The following CCDC125 variants were observed in gnomAD, a reference collection of about 807,000 sequenced individuals.
CCDC125 encodes coiled-coil domain containing 125, also known as coiled-coil domain-containing protein 125.
In CCDC125, 43 loss-of-function variants were observed where a neutral mutation model predicts 57.4. The observed-to-expected ratio is 0.75, with a 90% CI of 0.59 to 0.97. The LOEUF (loss-of-function observed/expected upper bound fraction) is 0.97, where lower values mean the gene tolerates loss of function less well. Among genes scored for constraint, CCDC125 ranks in the 50% least tolerant of loss-of-function variants. The pLI, the probability that CCDC125 is intolerant of heterozygous loss-of-function variation, is 0.00. For synonymous variants in CCDC125, 187 were observed against 195.2 expected, an observed-to-expected ratio of 0.96 and a Z score of 0.35; for missense variants, 563 against 595.7, an observed-to-expected ratio of 0.95 and a Z score of 0.57.
In CCDC125 at chr5:69,281,695, CAAGAT is replaced by C. The variant is rs942988034; in HGVS notation, c.*1029_*1033del. On this transcript the variant is annotated 3_prime_UTR_variant, in exon 12 of 12. Transcript: ENST00000396496. Reference sequence around the variant, plus strand: ...AAAATACTGAACAAGGCAAATAAAACAAGATAAATGAATTCCAGAAATTAACATTC... The same window carrying C: ...AAAATACTGAACAAGGCAAATAAAACAAATGAATTCCAGAAATTAACATTC... 2.6e-5 allele frequency: 4 copies of C among 152,046 alleles called. No individual in the cohort carries two copies. The highest frequency in any genetic ancestry group is 9.7e-5 in the African/African-American group (4 of 41,412). 9.4% of individuals were successfully genotyped at this position (152,046 alleles called of 1,614,324 possible). A position where few individuals can be genotyped will look rare whatever the true frequency, so the allele number is the denominator to read the frequency against.
intron 1 of CCDC125, among the ~76,000 whole-genome samples, chr5:69,321,301 A>T (rs761574510): frequency 2.0e-5 from 3 of 152,216 alleles, no homozygotes; most frequent in Non-Finnish European, 2.9e-5. Flanking sequence ...ATAGGCAGCC[A>T]TAATCTGTCA....
At chr5:69,304,908 T>C (rs1434797809) in intron 6 of CCDC125, among the ~76,000 whole-genome samples, 1 of 152,086 alleles carries the variant, frequency 6.6e-6, no homozygotes, top group Non-Finnish European at 1.5e-5. Flanking sequence ...CGGGTAATAA[T>C]GATGTATCAA....
In CCDC125 at chr5:69,289,862, CAA is replaced by C. The variant is rs11284379; in HGVS notation, c.1099+2324_1099+2325del. The stretch of plus-strand genomic sequence containing the variant: ...TGGGCAACAGGATAAGATGCTGCCT[CAA>C]AAAAAAAAAAAAAAAAGCTACTAAA... On this transcript the variant is annotated intron_variant, in intron 10 of 11. Transcript: ENST00000396496. Among the ~76,000 whole-genome samples, 315 of 111,444 alleles carry C rather than the reference CAA, an allele frequency of 2.8e-3. No individual in the cohort carries two copies. The Middle Eastern group carries it at 0.037, about 13-fold the overall frequency. The allele number at this position is 111,444 out of a possible 152,430, so 73.1% of individuals were successfully genotyped here. A position where few individuals can be genotyped will look rare whatever the true frequency, so the allele number is the denominator to read the frequency against.
intron 2 of CCDC125, among the ~76,000 whole-genome samples, chr5:69,317,973 A>ATTTTTTTT (rs34680998): frequency 2.4e-5 from 2 of 82,354 alleles, no homozygotes; most frequent in African/African-American, 4.7e-5. Context: ...TGTCTCTAGA[A>ATTTTTTTT]TTTTTTTTTT....
intron 2 of CCDC125, 120 bp downstream of exon 2, chr5:69,320,117 C>T (rs939782977): frequency 4.2e-5 from 42 of 997,280 alleles, no homozygotes; most frequent in African/African-American, 2.3e-4. Flanking sequence ...AGCAAGACTC[C>T]GTCCAGAAAA....
chr5:69,311,110 C>T lies in CCDC125; in HGVS notation c.453+8G>A, dbSNP rs1213125455. 7 of 1,580,612 alleles carry T rather than the reference C, an allele frequency of 4.4e-6. No individual in the cohort carries two copies. The highest frequency in any genetic ancestry group is 4.3e-6 in the Non-Finnish European group (5 of 1,153,354). On this transcript the variant is annotated splice_region_variant and intron_variant, in intron 4 of 11. Coordinates refer to ENST00000396496, the MANE Select transcript of CCDC125 (RefSeq NM_176816.5). The stretch of plus-strand genomic sequence containing the variant: ...GTAAATGGTGAAAGTTTAAAAACAA[C>T]TTCTTACCATGCTTTGAAGAATTTT...
intron 1 of CCDC125, among the ~76,000 whole-genome samples, chr5:69,330,096 C>T (rs2150693033): frequency 6.6e-6 from 1 of 152,348 alleles, no homozygotes; most frequent in East Asian, 1.9e-4. Context: ...TACTGACTCA[C>T]TAAGTCCAGG....
chr5:69,282,579 T>G lies in CCDC125; in HGVS notation c.*150A>C. On this transcript the variant is annotated 3_prime_UTR_variant, in exon 12 of 12. Coordinates refer to ENST00000396496, the MANE Select transcript of CCDC125 (RefSeq NM_176816.5). ...CCATCTCAAAAGAAGAAAAAGAAAA[T>G]GTAGAAAATATTTGATTTAAGTGAC... 1.6e-6 allele frequency: 1 copy of G among 626,534 alleles called. No homozygotes were observed. Among genetic ancestry groups the G allele is most frequent in the Non-Finnish European group, 2.6e-6 (1 of 378,806 alleles). 38.8% of individuals were successfully genotyped at this position (626,534 alleles called of 1,614,324 possible).
chr5:69,325,545 G>C (rs1760619134), intron 1 of CCDC125, among the ~76,000 whole-genome samples: 1 of 151,622 alleles, frequency 6.6e-6, no homozygotes, highest in East Asian at 1.9e-4. Flanking sequence ...AGGGTCTCGG[G>C]CTGGGCACAG....
chr5:69,316,613 G>A (rs1759151922), intron 2 of CCDC125, among the ~76,000 whole-genome samples: 1 of 152,114 alleles, frequency 6.6e-6, no homozygotes, highest in African/African-American at 2.4e-5. Context: ...TGCTCAGGCT[G>A]CAGTGCTCCT....
intron 10 of CCDC125, among the ~76,000 whole-genome samples, chr5:69,290,968 C>T (rs1033535953): frequency 6.6e-6 from 1 of 152,034 alleles, no homozygotes. Context: ...GATGGTGTTC[C>T]CCTAAGATCA....
chr5:69,293,522 C>T (rs375925021), intron 9 of CCDC125, among the ~76,000 whole-genome samples: 5 of 151,884 alleles, frequency 3.3e-5, no homozygotes, highest in East Asian at 3.9e-4. Context: ...TGGTGGCAGG[C>T]GCCTGTAATC....
At position 69,282,921 on chromosome 5, in the gene CCDC125, T is replaced by C; in HGVS notation, c.1344A>G (p.Ile448Met). 1 of 1,614,078 alleles carries C rather than the reference T, an allele frequency of 6.2e-7. No homozygotes were observed. Among genetic ancestry groups the C allele is most frequent in the Non-Finnish European group, 8.5e-7 (1 of 1,179,998 alleles). Residue 448 changes from isoleucine (I) to methionine (M), a missense_variant, in exon 12 of 12, where the codon ATA (isoleucine) becomes ATG (methionine). Transcript: ENST00000396496. ...GGTTGTTGAAAGGGAAATTCTCTTT[T>C]ATAGGATTTTTTTCTTTATTCTCGT... is the stretch of plus-strand genomic sequence containing the variant. ...ASNENKEKNP[I>M]KENFPFNNPW...
downstream of CCDC125, among the ~76,000 whole-genome samples, chr5:69,275,702 G>A (rs771984009): frequency 2.4e-4 from 37 of 152,102 alleles, no homozygotes; most frequent in Non-Finnish European, 4.3e-4. Context: ...AGCCAGGCGC[G>A]GTGGCTCACG....
intron 1 of CCDC125, among the ~76,000 whole-genome samples, chr5:69,324,799 G>C (rs1223924444): frequency 6.6e-6 from 1 of 152,016 alleles, no homozygotes; most frequent in Non-Finnish European, 1.5e-5. Flanking sequence ...AATCACTTGA[G>C]GCCAGGAGTT....
chr5:69,313,713 T>G (rs193292120), intron 3 of CCDC125: 36 of 769,326 alleles, frequency 4.7e-5, no homozygotes, highest in South Asian at 4.3e-4. Flanking sequence ...CAGTATCTCC[T>G]TGCCCTCCCC....
At chr5:69,294,406 C>T (rs765284906) in intron 9 of CCDC125, among the ~76,000 whole-genome samples, 34 of 152,006 alleles carry the variant, frequency 2.2e-4, no homozygotes, top group African/African-American at 7.5e-4. Context: ...CTCCCGGATT[C>T]AAGCGATTCT....
intron 5 of CCDC125, 96 bp downstream of exon 5, chr5:69,307,855 G>T: frequency 1.1e-6 from 1 of 892,798 alleles, no homozygotes; most frequent in Non-Finnish European, 1.8e-6. Context: ...GCAGAAGGTA[G>T]GCACAAGTGA....
intron 9 of CCDC125, among the ~76,000 whole-genome samples, chr5:69,293,647 C>CAAAAA (rs10548889): frequency 7.6e-6 from 1 of 131,576 alleles, no homozygotes; most frequent in African/African-American, 2.8e-5. Flanking sequence ...GAATCCGTCT[C>CAAAAA]AAAAAAAAAA....
Sources: allele counts gnomAD v4.1 joint callset (sites outside exome capture counted in the v4.1 genomes callset), GRCh38; gene constraint gnomAD v4.1.1; transcripts MANE v1.5; gene names NCBI Gene and HGNC (gene_info 2026-07-23, HGNC 2026-07-21).